ANKRD30B: variants seen among roughly 807,000 people sequenced by gnomAD.
ANKRD30B encodes ankyrin repeat domain 30B.
In ANKRD30B, 144 loss-of-function variants were observed where a neutral mutation model predicts 202.2. That is an observed-to-expected ratio of 0.71 (90% CI 0.62 to 0.82). ANKRD30B has a LOEUF of 0.82. Ranked by LOEUF, ANKRD30B falls within the 40% of genes least tolerant of loss-of-function variation. The probability of loss-of-function intolerance (pLI) is 0.00; values close to 1 mark genes in which losing one functional copy is unlikely to be tolerated. For missense variants in ANKRD30B, 1,487 were observed against 1,669.1 expected (o/e 0.89, Z 1.90); for synonymous variants, 508 against 561.3 (o/e 0.91, Z 1.34).
Position 14,783,155 on chromosome 18 carries a change from A to G in ANKRD30B, c.1570+541A>G, listed in dbSNP as rs533899626. On this transcript the variant is annotated intron_variant, in intron 12 of 43. Transcript: ENST00000690538. ...CATGCAGAATTGTATTTTATTTGCA[A>G]TAGGTGAGTATTAACAAAAATGCAT... Among the ~76,000 whole-genome samples the G allele has an allele frequency of 2.6e-3, 391 of 152,252 alleles. 3 individuals carry two copies. The highest frequency in any genetic ancestry group is 8.9e-3 in the African/African-American group (371 of 41,566).
chr18:14,796,479 A>C, intron 18 of ANKRD30B, 64 bp downstream of exon 18: 5 of 1,471,556 alleles, frequency 3.4e-6, no homozygotes, highest in Non-Finnish European at 4.5e-6. Flanking sequence ...AAATGCCGAG[A>C]GGCTTTTATT....
chr18:14,766,782 C>G (rs1325897965), intron 7 of ANKRD30B, among the ~76,000 whole-genome samples: 2 of 151,898 alleles, frequency 1.3e-5, no homozygotes, highest in Non-Finnish European at 2.9e-5. Flanking sequence ...TTGACAAAAC[C>G]CTGGGAGTAT....
chr18:14,784,292 T>C (rs1253667670), intron 12 of ANKRD30B, 44 bp from the exon 13 acceptor site: 2 of 1,591,788 alleles, frequency 1.3e-6, no homozygotes, highest in Admixed American at 3.4e-5. Flanking sequence ...GTTGGCTTTG[T>C]CATATTTACT....
chr18:14,937,613 AG>A, the ANKRD30B span, among the ~76,000 whole-genome samples: 34 of 151,692 alleles, frequency 2.2e-4, no homozygotes, highest in African/African-American at 7.5e-4. Context: ...GGGTGTTGCC[AG>A]GTTCCTCGAG....
intron 35 of ANKRD30B, 54 bp downstream of exon 35, chr18:14,837,343 A>C (rs1384805214): frequency 7.0e-7 from 1 of 1,423,064 alleles, no homozygotes; most frequent in Non-Finnish European, 9.6e-7. Context: ...AAATTAGTGA[A>C]TATCTCTGAA....
chr18:14,808,285 A>T (rs1969656898), intron 24 of ANKRD30B: 2 of 453,136 alleles, frequency 4.4e-6, no homozygotes, highest in Non-Finnish European at 8.4e-6. Context: ...GGATTTTTCT[A>T]CTTTAGTTAT....
the ANKRD30B span, among the ~76,000 whole-genome samples, chr18:14,883,022 C>CATTTCCTGTGAGCAT: frequency 1.3e-5 from 2 of 152,120 alleles, no homozygotes; most frequent in African/African-American, 2.4e-5. Context: ...CTAGTGCCTA[C>CATTTCCTGTGAGCAT]ATTTCCTGTG....
intron 20 of ANKRD30B, among the ~76,000 whole-genome samples, chr18:14,798,643 ACC>A (rs1460506966): frequency 6.6e-6 from 1 of 151,846 alleles, no homozygotes; most frequent in Non-Finnish European, 1.5e-5. Flanking sequence ...ATGGACAGGC[ACC>A]CCCCTCCGTG....
the ANKRD30B span, among the ~76,000 whole-genome samples, chr18:14,879,509 T>C: frequency 6.6e-6 from 1 of 152,142 alleles, no homozygotes; most frequent in Non-Finnish European, 1.5e-5. Context: ...ACAATCAACA[T>C]TGACATAGTC....
chr18:14,863,520 C>T, the ANKRD30B span, among the ~76,000 whole-genome samples: 1 of 151,752 alleles, frequency 6.6e-6, no homozygotes, highest in African/African-American at 2.4e-5. Context: ...GCTTCTACTG[C>T]CTGCACAACT....
the ANKRD30B span, among the ~76,000 whole-genome samples, chr18:14,910,279 G>A: frequency 6.6e-6 from 1 of 151,926 alleles, no homozygotes; most frequent in African/African-American, 2.4e-5. Flanking sequence ...TATTCCATCT[G>A]TATGTCTATG....
intron 18 of ANKRD30B, among the ~76,000 whole-genome samples, chr18:14,797,429 G>T (rs1296446873): frequency 6.6e-6 from 1 of 152,140 alleles, no homozygotes; most frequent in East Asian, 1.9e-4. Flanking sequence ...ATGCAGTTTT[G>T]TATTTACAAT....
chr18:14,753,677 T>G (rs2143646661), intron 3 of ANKRD30B, among the ~76,000 whole-genome samples: 1 of 152,274 alleles, frequency 6.6e-6, no homozygotes, highest in Admixed American at 6.5e-5. Context: ...TTCGAAGACT[T>G]TTTAAACAAT....
the ANKRD30B span, among the ~76,000 whole-genome samples, chr18:14,882,753 T>C: frequency 3.3e-5 from 5 of 151,984 alleles, no homozygotes; most frequent in Non-Finnish European, 7.4e-5. Flanking sequence ...ATTTCTTATG[T>C]CTACTAGTAA....
At chr18:14,761,161 A>G (rs1046157613) in intron 6 of ANKRD30B, among the ~76,000 whole-genome samples, 1 of 152,236 alleles carries the variant, frequency 6.6e-6, no homozygotes, top group Non-Finnish European at 1.5e-5. Context: ...GGAATTAATA[A>G]CAGAAAACTG....
intron 9 of ANKRD30B, among the ~76,000 whole-genome samples, chr18:14,773,893 A>G (rs1967182828): frequency 6.6e-6 from 1 of 152,098 alleles, no homozygotes; most frequent in Non-Finnish European, 1.5e-5. Context: ...TGACCTCATG[A>G]TCCGCCCGCC....
intron 3 of ANKRD30B, 135 bp downstream of exon 3, chr18:14,753,147 G>T (rs1913738741): frequency 4.5e-6 from 3 of 668,654 alleles, no homozygotes; most frequent in South Asian, 3.8e-5. Context: ...AATTATCTAA[G>T]ATTTAACCTT....
Position 14,752,831 on chromosome 18 carries a change from A to G in ANKRD30B, c.337-8A>G, listed in dbSNP as rs1440451700. The G allele has an allele frequency of 3.1e-6, 5 of 1,605,312 alleles. No individual in the cohort carries two copies. Among genetic ancestry groups the G allele is most frequent in the Admixed American group, 1.7e-5 (1 of 58,794 alleles). On this transcript the variant is annotated splice_region_variant and splice_polypyrimidine_tract_variant and intron_variant, in intron 2 of 43. Transcript: ENST00000690538. ...TTTATAATGTACTTCTTGCTTTAAT[A>G]CTGACAGGCTCTACAATGCGAGAGG...
the ANKRD30B span, among the ~76,000 whole-genome samples, chr18:14,915,209 C>T: frequency 6.6e-6 from 1 of 152,124 alleles, no homozygotes; most frequent in African/African-American, 2.4e-5. Flanking sequence ...AGAGAGCAAA[C>T]AGCAGCAGAC....
Sources: allele counts gnomAD v4.1 joint callset (sites outside exome capture counted in the v4.1 genomes callset), GRCh38; gene constraint gnomAD v4.1.1; transcripts MANE v1.5; gene names NCBI Gene and HGNC (gene_info 2026-07-23, HGNC 2026-07-21).